CRPPA: variants seen among roughly 807,000 people sequenced by gnomAD.
CRPPA encodes D-ribitol-5-phosphate cytidylyltransferase.
Under a neutral mutation model 52.0 loss-of-function variants are expected in CRPPA, and 43 were observed. The ratio of observed to expected loss-of-function variants is 0.83; its 90% confidence interval spans 0.65 to 1.07. The LOEUF (loss-of-function observed/expected upper bound fraction) is 1.07, where lower values mean the gene tolerates loss of function less well. Among genes scored for constraint, CRPPA ranks in the 50% least tolerant of loss-of-function variants. CRPPA has a pLI of 0.00. For missense variants in CRPPA, 629 were observed against 551.7 expected, an observed-to-expected ratio of 1.14 and a Z score of -1.40; for synonymous variants, 250 against 203.5, an observed-to-expected ratio of 1.23 and a Z score of -1.94.
intron 9 of CRPPA, among the ~76,000 whole-genome samples, chr7:16,213,312 T>A (rs182547156): frequency 1.3e-5 from 2 of 152,346 alleles, no homozygotes; most frequent in East Asian, 1.9e-4. Context: ...ATTTTACACA[T>A]AGAATTATTT....
intron 8 of CRPPA, among the ~76,000 whole-genome samples, chr7:16,234,471 AT>A (rs1391822978): frequency 2.6e-5 from 4 of 152,264 alleles, no homozygotes; most frequent in East Asian, 1.9e-4. Flanking sequence ...AAAATGAAAA[AT>A]TTTTTAATTG....
intron 3 of CRPPA, among the ~76,000 whole-genome samples, chr7:16,358,683 C>G (rs539017230): frequency 6.6e-6 from 1 of 152,288 alleles, no homozygotes; most frequent in African/African-American, 2.4e-5. Context: ...TTCAGAGTAA[C>G]TACTTGAGGC....
chr7:16,286,019 T>TA (rs1562608190), intron 5 of CRPPA, among the ~76,000 whole-genome samples: 2 of 15,070 alleles, frequency 1.3e-4, no homozygotes, highest in African/African-American at 3.5e-4. Flanking sequence ...AAACTCCATC[T>TA]CAAAAAAAAA....
At chr7:16,216,284 T>C (rs1171915459) in intron 8 of CRPPA, 87 bp from the exon 9 acceptor site, 1 of 800,688 alleles carries the variant, frequency 1.2e-6, no homozygotes, top group African/African-American at 1.8e-5. Flanking sequence ...TCAAAACCCA[T>C]ATGATTACAA....
At chr7:16,302,079 G>A (rs1261015586) in intron 4 of CRPPA, among the ~76,000 whole-genome samples, 1 of 152,038 alleles carries the variant, frequency 6.6e-6, no homozygotes, top group Admixed American at 6.5e-5. Flanking sequence ...GGCGGATCAC[G>A]AGGTCAGGAG....
intron 8 of CRPPA, among the ~76,000 whole-genome samples, chr7:16,251,063 G>A (rs1446644449): frequency 6.6e-6 from 1 of 150,884 alleles, no homozygotes; most frequent in Non-Finnish European, 1.5e-5. Flanking sequence ...AAAAAAAAAA[G>A]CAGGGGTTGC....
At chr7:16,310,392 A>T (rs1357310421) in intron 3 of CRPPA, among the ~76,000 whole-genome samples, 1 of 152,166 alleles carries the variant, frequency 6.6e-6, no homozygotes, top group Admixed American at 6.5e-5. Context: ...AAACTCACCA[A>T]GTCTAACCAG....
chr7:16,371,539 A>T (rs188924260), intron 3 of CRPPA, among the ~76,000 whole-genome samples: 15 of 151,486 alleles, frequency 9.9e-5, no homozygotes, highest in South Asian at 4.2e-4. Flanking sequence ...AAAATAAATT[A>T]AAAAAAAACC....
chr7:16,416,854 A>G (rs1360246683), intron 1 of CRPPA, among the ~76,000 whole-genome samples: 2 of 152,208 alleles, frequency 1.3e-5, no homozygotes, highest in East Asian at 1.9e-4. Context: ...AAAAAACAAT[A>G]GAGCTTCTGC....
intron 9 of CRPPA, among the ~76,000 whole-genome samples, chr7:16,195,987 T>A (rs1781723989): frequency 6.6e-6 from 1 of 152,142 alleles, no homozygotes; most frequent in Non-Finnish European, 1.5e-5. Flanking sequence ...ATCTGGAGAT[T>A]AATAGAAACA....
intron 3 of CRPPA, among the ~76,000 whole-genome samples, chr7:16,315,593 G>A (rs10261569): frequency 1.3e-5 from 2 of 152,180 alleles, no homozygotes; most frequent in South Asian, 2.1e-4. Context: ...GGGCCTCCTC[G>A]TTAAGAGCAG....
chr7:16,091,893 C>A, intron 9 of CRPPA, 94 bp from the exon 10 acceptor site: 1 of 654,540 alleles, frequency 1.5e-6, no homozygotes, highest in South Asian at 2.7e-5. Context: ...CTGCTGCGGT[C>A]TGGATTTGGC....
intron 9 of CRPPA, among the ~76,000 whole-genome samples, chr7:16,200,221 T>C (rs1489741842): frequency 6.6e-6 from 1 of 152,164 alleles, no homozygotes; most frequent in Non-Finnish European, 1.5e-5. Flanking sequence ...TCCAAAAACA[T>C]AAACTTCAAT....
At chr7:16,301,184 C>T (rs895341389) in intron 5 of CRPPA, among the ~76,000 whole-genome samples, 2 of 152,134 alleles carry the variant, frequency 1.3e-5, no homozygotes, top group Non-Finnish European at 1.5e-5. Context: ...CCATACTTCC[C>T]TCAAGTTAAT....
chr7:16,279,353 G>A (rs745576865), intron 5 of CRPPA, among the ~76,000 whole-genome samples: 3 of 152,080 alleles, frequency 2.0e-5, no homozygotes, highest in Non-Finnish European at 4.4e-5. Context: ...ATGCATTCCA[G>A]GAGCTATATG....
At chr7:16,111,155 C>A (rs184584829) in intron 9 of CRPPA, among the ~76,000 whole-genome samples, 1 of 151,850 alleles carries the variant, frequency 6.6e-6, no homozygotes, top group Non-Finnish European at 1.5e-5. Context: ...AAAATACAAA[C>A]GGCCAACAAG....
At chr7:16,201,321 T>C (rs148550092) in intron 9 of CRPPA, among the ~76,000 whole-genome samples, 76 of 152,282 alleles carry the variant, frequency 5.0e-4, no homozygotes, top group Admixed American at 1.4e-3. Context: ...AAAACCAAGC[T>C]ACCAGTTACA....
intron 3 of CRPPA, among the ~76,000 whole-genome samples, chr7:16,332,639 G>C (rs889661346): frequency 6.6e-6 from 1 of 152,018 alleles, no homozygotes; most frequent in African/African-American, 2.4e-5. Context: ...AGAATGTAAT[G>C]GGGGAAAGCT....
At chr7:16,155,315 G>A (rs1783157073) in intron 9 of CRPPA, among the ~76,000 whole-genome samples, 2 of 152,150 alleles carry the variant, frequency 1.3e-5, no homozygotes. Flanking sequence ...AGATCAGTGG[G>A]CTGACATCAC....
Sources: gnomAD v4.1 joint callset for allele counts (sites outside exome capture counted in the v4.1 genomes callset) on GRCh38, gnomAD v4.1.1 for gene constraint, MANE v1.5 for transcripts, NCBI Gene and HGNC (gene_info 2026-07-23, HGNC 2026-07-21) for gene names.